Variants in CAMK2D observed in about 807,000 individuals in gnomAD.
CAMK2D encodes calcium/calmodulin dependent protein kinase II delta.
Under a neutral mutation model 84.0 loss-of-function variants are expected in CAMK2D, and 37 were observed. The observed-to-expected ratio is 0.44, with a 90% confidence interval of 0.34 to 0.58. The LOEUF (loss-of-function observed/expected upper bound fraction) is 0.58, where lower values mean the gene tolerates loss of function less well. CAMK2D is among the 20% of genes least tolerant of loss of function. The pLI, the probability that CAMK2D is intolerant of heterozygous loss-of-function variation, is 0.02. For missense variants in CAMK2D, 448 were observed against 652.5 expected, an observed-to-expected ratio of 0.69 and a Z score of 3.41; for synonymous variants, 202 against 212.5, an observed-to-expected ratio of 0.95 and a Z score of 0.43.
At chr4:113,529,216 C>T (rs1378585882) in intron 8 of CAMK2D, among the ~76,000 whole-genome samples, 1 of 152,176 alleles carries the variant, frequency 6.6e-6, no homozygotes, top group Non-Finnish European at 1.5e-5. Flanking sequence ...CCACTGCCTT[C>T]CCAGGCATGG....
chr4:113,573,008 CAAA>C (rs1390022820), intron 4 of CAMK2D, among the ~76,000 whole-genome samples: 1 of 151,954 alleles, frequency 6.6e-6, no homozygotes, highest in Non-Finnish European at 1.5e-5. Context: ...CTTATGAACA[CAAA>C]GAAGGAAACA....
At chr4:113,530,411 C>T (rs1014919627) in intron 8 of CAMK2D, among the ~76,000 whole-genome samples, 2 of 152,174 alleles carry the variant, frequency 1.3e-5, no homozygotes, top group Admixed American at 6.5e-5. Flanking sequence ...TGGCAATCAA[C>T]GTTGGCACTC....
chr4:113,741,590 T>C (rs72901794), intron 2 of CAMK2D, among the ~76,000 whole-genome samples: 4,120 of 152,252 alleles, frequency 0.027, 197 homozygotes, highest in African/African-American at 0.094. Flanking sequence ...GAGACTACTA[T>C]AGTCTTGCTT....
At chr4:113,529,451 G>C (rs2098443697) in intron 8 of CAMK2D, among the ~76,000 whole-genome samples, 1 of 152,122 alleles carries the variant, frequency 6.6e-6, no homozygotes, top group African/African-American at 2.4e-5. Context: ...AAACACCAAA[G>C]GCACTGAAAT....
intron 4 of CAMK2D, among the ~76,000 whole-genome samples, chr4:113,558,963 C>T (rs1182946807): frequency 1.3e-5 from 2 of 152,074 alleles, no homozygotes; most frequent in African/African-American, 4.8e-5. Flanking sequence ...GCCTAGATGA[C>T]AGAGCGAGAC....
At chr4:113,503,042 AG>A in intron 14 of CAMK2D, 65 bp from the exon 15 acceptor site, 1 of 1,140,910 alleles carries the variant, frequency 8.8e-7, no homozygotes, top group Non-Finnish European at 1.3e-6. Context: ...TCTAGTGTGA[AG>A]GACAGAGCAG....
intron 2 of CAMK2D, among the ~76,000 whole-genome samples, chr4:113,703,933 T>TC (rs912864874): frequency 2.6e-5 from 4 of 151,046 alleles, no homozygotes; most frequent in African/African-American, 4.9e-5. Flanking sequence ...CTTTTTTTTT[T>TC]TTTTTTTTTA....
chr4:113,569,266 T>C (rs925394537), intron 4 of CAMK2D, among the ~76,000 whole-genome samples: 55 of 152,360 alleles, frequency 3.6e-4, no homozygotes, highest in African/African-American at 1.3e-3. Flanking sequence ...ATTTTTTCTT[T>C]TGTTGCTTGT....
At chr4:113,502,608 C>T (rs957745365) in intron 15 of CAMK2D, among the ~76,000 whole-genome samples, 4 of 151,330 alleles carry the variant, frequency 2.6e-5, no homozygotes, top group Non-Finnish European at 4.4e-5. Flanking sequence ...CACAATATAT[C>T]TACAGTACAA....
At chr4:113,489,135 A>AT (rs2154136146) in intron 16 of CAMK2D, among the ~76,000 whole-genome samples, 1 of 150,944 alleles carries the variant, frequency 6.6e-6, no homozygotes, top group Non-Finnish European at 1.5e-5. Context: ...GCGGACAGTA[A>AT]TTTTTCTTTT....
intron 4 of CAMK2D, among the ~76,000 whole-genome samples, chr4:113,601,377 G>A (rs1038166476): frequency 6.6e-6 from 1 of 151,566 alleles, no homozygotes; most frequent in African/African-American, 2.4e-5. Context: ...ATCATTAATT[G>A]TTTTATTAAT....
At chr4:113,505,074 A>C (rs553962054) in intron 13 of CAMK2D, 39 bp from the exon 14 acceptor site, 1 of 1,291,600 alleles carries the variant, frequency 7.7e-7, no homozygotes. Context: ...GATGCCTTAA[A>C]CCCCTTGGTA....
chr4:113,729,191 C>T (rs2099555124), intron 2 of CAMK2D, among the ~76,000 whole-genome samples: 2 of 152,160 alleles, frequency 1.3e-5, no homozygotes, highest in South Asian at 4.1e-4. Flanking sequence ...TAACTAGTTC[C>T]ACAGTTCTTA....
intron 8 of CAMK2D, among the ~76,000 whole-genome samples, chr4:113,525,228 G>A (rs1301611909): frequency 1.3e-5 from 2 of 152,160 alleles, no homozygotes; most frequent in African/African-American, 4.8e-5. Context: ...ACTCATAACT[G>A]TTGAGAGTGA....
chr4:113,560,249 A>G (rs992910136), intron 4 of CAMK2D, among the ~76,000 whole-genome samples: 2 of 151,548 alleles, frequency 1.3e-5, no homozygotes, highest in African/African-American at 4.8e-5. Flanking sequence ...TTTTTTCCTG[A>G]AAATACAAAT....
At chr4:113,651,340 C>T (rs551832655) in intron 3 of CAMK2D, among the ~76,000 whole-genome samples, 6 of 152,258 alleles carry the variant, frequency 3.9e-5, no homozygotes, top group African/African-American at 1.2e-4. Context: ...GCAAACACTT[C>T]TACCTATGGA....
At chr4:113,461,293 A>G (rs1020436266) in intron 17 of CAMK2D, among the ~76,000 whole-genome samples, 15 of 152,226 alleles carry the variant, frequency 9.9e-5, no homozygotes, top group African/African-American at 3.4e-4. Flanking sequence ...AGAATTGCTG[A>G]ACACTTACTA....
chr4:113,684,834 C>A (rs2099355084), intron 2 of CAMK2D, among the ~76,000 whole-genome samples: 1 of 152,096 alleles, frequency 6.6e-6, no homozygotes, highest in African/African-American at 2.4e-5. Context: ...TGAGCAAATC[C>A]AAGTCTTGAG....
chr4:113,659,414 C>G (rs1489416199), intron 3 of CAMK2D, among the ~76,000 whole-genome samples: 1 of 152,198 alleles, frequency 6.6e-6, no homozygotes, highest in Non-Finnish European at 1.5e-5. Context: ...ATCCTGATAG[C>G]ACACTTCAGA....
Sources: gnomAD v4.1 joint callset for allele counts (sites outside exome capture counted in the v4.1 genomes callset) on GRCh38, gnomAD v4.1.1 for gene constraint, MANE v1.5 for transcripts, NCBI Gene and HGNC (gene_info 2026-07-23, HGNC 2026-07-21) for gene names.